The following SPEN variants were observed in gnomAD, a reference collection of about 807,000 sequenced individuals.
The protein encoded by SPEN is msx2-interacting protein.
A neutral mutation model predicts 269.9 loss-of-function variants in SPEN; 18 were observed. That is an observed-to-expected ratio of 0.07 (90% confidence interval 0.05 to 0.10). The LOEUF (loss-of-function observed/expected upper bound fraction) is 0.10, where lower values mean the gene tolerates loss of function less well. SPEN is among the 10% of genes least tolerant of loss of function. SPEN has a pLI of 1.00. For missense variants in SPEN, 3,822 were observed against 4,631.2 expected, an observed-to-expected ratio of 0.83 and a Z score of 5.07; for synonymous variants, 1,726 against 1,765.7, an observed-to-expected ratio of 0.98 and a Z score of 0.56.
chr1:15,933,225 G>A lies in SPEN; in HGVS notation c.6985G>A (p.Asp2329Asn). The change falls in exon 11 of 15, where the codon GAC becomes AAC. Residue 2329 changes from aspartate to asparagine, a missense_variant. Physicochemically the swap from Asp to Asn is conservative, Grantham distance 23. Transcript: ENST00000375759. The surrounding 1 kb of genome is among the most constrained non-coding windows in gnomAD (Gnocchi z 5.7). ...KEVEVTLVRK[D>N]KGRQKTTRSR... ...AGTGGAAGTCACTCTTGTTCGGAAA[G>A]ACAAAGGGCGCCAGAAAACAACCCG... 6.2e-7 allele frequency: 1 copy of A among 1,614,162 alleles called. No individual in the cohort carries two copies. The highest frequency in any genetic ancestry group is 1.1e-5 in the South Asian group (1 of 91,084).
At chr1:15,873,530 G>A (rs2070601928) in intron 2 of SPEN, 1 of 996,860 alleles carries the variant, frequency 1.0e-6, no homozygotes. Flanking sequence ...GAATATTAGA[G>A]CCTACAGATT....
intron 10 of SPEN, among the ~76,000 whole-genome samples, chr1:15,926,384 T>TA (rs1553179245): frequency 6.9e-6 from 1 of 145,768 alleles, no homozygotes; most frequent in African/African-American, 2.5e-5. Flanking sequence ...GATATATACA[T>TA]ACACACACAC....
intron 1 of SPEN, among the ~76,000 whole-genome samples, chr1:15,865,234 A>G (rs747841855): frequency 1.3e-4 from 19 of 151,116 alleles, no homozygotes; most frequent in Admixed American, 2.0e-4. Context: ...GTATTTTAGT[A>G]GAGACGGGAT....
At chr1:15,887,495 A>T (rs948405177) in intron 3 of SPEN, among the ~76,000 whole-genome samples, 1 of 147,214 alleles carries the variant, frequency 6.8e-6, no homozygotes, top group Non-Finnish European at 1.5e-5. Context: ...GTTAGCCAGG[A>T]TGGTCTCGAT....
Position 15,939,740 on chromosome 1 carries a change from G to T in SPEN, c.*313G>T, listed in dbSNP as rs2071320351. On this transcript the variant is annotated 3_prime_UTR_variant, in exon 15 of 15. Transcript: ENST00000375759. The surrounding 1 kb of genome is among the most constrained non-coding windows in gnomAD (Gnocchi z 4.1). ...CAGGGCAGTGGAATGAAAATTTTTT[G>T]TTTGTTTGTTTTTAAGAAACAAGAA... 6 of 273,824 alleles carry T rather than the reference G, an allele frequency of 2.2e-5. No homozygotes were observed. The highest frequency in any genetic ancestry group is 9.7e-4 in the Middle Eastern group (1 of 1,028). The allele number at this position is 273,824 out of a possible 1,614,324, so 17.0% of individuals were successfully genotyped here. A position where few individuals can be genotyped will look rare whatever the true frequency, so the allele number is the denominator to read the frequency against.
rs771284105 is a variant in SPEN at position 15,932,657 on chromosome 1, T to G, written c.6417T>G (p.Ser2139Arg). 1 of 1,613,448 alleles carries G rather than the reference T, an allele frequency of 6.2e-7. No individual in the cohort carries two copies. Among genetic ancestry groups the G allele is most frequent in the Non-Finnish European group, 8.5e-7 (1 of 1,179,696 alleles). Residue 2139 changes from serine to arginine, a missense_variant, in exon 11 of 15, where the codon AGT becomes AGG. By Grantham distance (110) the Ser-to-Arg change is moderately radical. Around this residue, in one of 16 missense-constraint regions of SPEN, gnomAD observed 727 missense variants for 737.9 expected, o/e 0.99. Coordinates refer to ENST00000375759, the MANE Select transcript of SPEN (RefSeq NM_015001.3). The surrounding 1 kb of genome is among the most constrained non-coding windows in gnomAD (Gnocchi z 4.2). Reference sequence around the variant, plus strand: ...ATGGTTTATCATCCCAGTTGAAAAGTGATCCAGTTGATCCAGACAAGGAAC... The same window carrying G: ...ATGGTTTATCATCCCAGTTGAAAAGGGATCCAGTTGATCCAGACAAGGAAC... Reference protein sequence around the residue: ...KEDGLSSQLKSDPVDPDKEPE... With the variant: ...KEDGLSSQLKRDPVDPDKEPE...
At chr1:15,854,322 T>G (rs764705055) in intron 1 of SPEN, among the ~76,000 whole-genome samples, 2 of 152,058 alleles carry the variant, frequency 1.3e-5, no homozygotes, top group Non-Finnish European at 2.9e-5. Flanking sequence ...TAAAGTACAT[T>G]TATCTGTAGT....
chr1:15,920,106 G>C (rs1165826355), intron 8 of SPEN, among the ~76,000 whole-genome samples: 1 of 151,048 alleles, frequency 6.6e-6, no homozygotes, highest in Non-Finnish European at 1.5e-5. Context: ...GTCTCACTCT[G>C]TCACCCAGGC....
At chr1:15,892,988 A>T (rs2070804325) in intron 3 of SPEN, among the ~76,000 whole-genome samples, 1 of 151,940 alleles carries the variant, frequency 6.6e-6, no homozygotes, top group African/African-American at 2.4e-5. Flanking sequence ...ATCCCAGCTA[A>T]TCAGGAGGCT....
intron 1 of SPEN, among the ~76,000 whole-genome samples, chr1:15,864,892 G>C (rs527599521): frequency 6.6e-6 from 1 of 151,548 alleles, no homozygotes; most frequent in African/African-American, 2.4e-5. Context: ...GGTGGGGAGG[G>C]GTCTTGCTTT....
chr1:15,937,273 G>C lies in SPEN; in HGVS notation c.10137G>C (p.Gln3379His), dbSNP rs2071285235. ...CCTCCCAGCTCGGTCAGCCCGGCCA[G>C]CCACCAAGCAGCAAGATGCCTCAAG... is the stretch of plus-strand genomic sequence containing the variant. ...CPPSQLGQPGQPPSSKMPQVS... is the reference protein window; with the variant it reads ...CPPSQLGQPGHPPSSKMPQVS... Residue 3379 changes from glutamine to histidine, a missense_variant, in exon 12 of 15, where the codon CAG (glutamine) becomes CAC (histidine). Gln to His is a conservative substitution (Grantham distance 24). Coordinates refer to ENST00000375759, the MANE Select transcript of SPEN (RefSeq NM_015001.3). The surrounding 1 kb of genome is among the most constrained non-coding windows in gnomAD (Gnocchi z 5.7). 1 of 1,613,700 alleles carries C rather than the reference G, an allele frequency of 6.2e-7. No individual in the cohort carries two copies. Among genetic ancestry groups the C allele is most frequent in the Admixed American group, 1.7e-5 (1 of 59,986 alleles).
chr1:15,908,901 C>A (rs944283153), intron 3 of SPEN, among the ~76,000 whole-genome samples: 4 of 152,054 alleles, frequency 2.6e-5, no homozygotes, highest in Non-Finnish European at 5.9e-5. Flanking sequence ...TGATAGGAAA[C>A]CCATTTCAAA....
chr1:15,853,445 C>T (rs2070355802), intron 1 of SPEN, among the ~76,000 whole-genome samples: 1 of 151,784 alleles, frequency 6.6e-6, no homozygotes, highest in South Asian at 2.1e-4. Context: ...CCTTAGCCTC[C>T]CAAAGTGCTG....
Position 15,880,462 on chromosome 1 carries a change from T to C in SPEN, c.881+3784T>C, listed in dbSNP as rs540231811. Among the ~76,000 whole-genome samples the C allele has an allele frequency of 2.7e-5, 4 of 146,504 alleles. No individual in the cohort carries two copies. The East Asian group carries it at 7.8e-4, about 29-fold the overall frequency. ...TTTTATGTAATTATAGCTTTTTTTT[T>C]TTTTTTTTTTTTTGAGACAGGGTCT... On this transcript the variant is annotated intron_variant, in intron 3 of 14. Coordinates refer to ENST00000375759, the MANE Select transcript of SPEN (RefSeq NM_015001.3).
intron 7 of SPEN, among the ~76,000 whole-genome samples, 168 bp from the exon 8 acceptor site, chr1:15,919,236 C>T (rs1409633058): frequency 1.3e-5 from 2 of 151,978 alleles, no homozygotes; most frequent in Non-Finnish European, 2.9e-5. Context: ...ATTCGATTAG[C>T]CAGGCAGGAT....
chr1:15,916,296 A>G lies in SPEN; in HGVS notation c.1395+17A>G, dbSNP rs747829672. On this transcript the variant is annotated intron_variant, in intron 6 of 14. Transcript: ENST00000375759. ...GAAATTGTGGTATGTTGCTTTTACTATGTAAACAATTTTAGGTCTTTGTCA... is the reference window on the plus strand; with the variant it reads ...GAAATTGTGGTATGTTGCTTTTACTGTGTAAACAATTTTAGGTCTTTGTCA... 1.1e-5 allele frequency: 17 copies of G among 1,605,736 alleles called. No homozygotes were observed. The South Asian group carries it at 1.8e-4, about 17-fold the overall frequency.
intron 3 of SPEN, among the ~76,000 whole-genome samples, chr1:15,893,196 T>C (rs1479126032): frequency 6.6e-6 from 1 of 152,242 alleles, no homozygotes; most frequent in Non-Finnish European, 1.5e-5. Context: ...TCTGTTTACA[T>C]ACTGGTGCTA....
intron 1 of SPEN, among the ~76,000 whole-genome samples, chr1:15,854,776 C>T (rs1412111774): frequency 2.0e-5 from 3 of 152,062 alleles, no homozygotes; most frequent in African/African-American, 4.8e-5. Flanking sequence ...CCACCGCGAC[C>T]GGCCAAAACC....
At chr1:15,855,291 G>A (rs897342221) in intron 1 of SPEN, among the ~76,000 whole-genome samples, 1 of 152,088 alleles carries the variant, frequency 6.6e-6, no homozygotes, top group Non-Finnish European at 1.5e-5. Context: ...ATTATACATT[G>A]TATTGACTTT....
Sources: allele counts gnomAD v4.1 joint callset (sites outside exome capture counted in the v4.1 genomes callset), GRCh38; gene constraint gnomAD v4.1.1; regional missense constraint gnomAD v4.1.1; non-coding constraint Gnocchi (gnomAD v3.1); transcripts MANE v1.5; gene names NCBI Gene and HGNC (gene_info 2026-07-23, HGNC 2026-07-21).